Variants in PPP6R3 observed in about 807,000 individuals in gnomAD.
The protein encoded by PPP6R3 is protein phosphatase 6 regulatory subunit 3, also known as serine/threonine-protein phosphatase 6 regulatory subunit 3.
Under a neutral mutation model 110.7 loss-of-function variants are expected in PPP6R3, and 38 were observed. The ratio of observed to expected loss-of-function variants is 0.34; its 90% CI spans 0.26 to 0.45. The LOEUF is 0.45. PPP6R3 is among the 20% of genes least tolerant of loss of function. PPP6R3 has a pLI of 1.00. For missense variants in PPP6R3, 870 were observed against 1,062.4 expected, an observed-to-expected ratio of 0.82 and a Z score of 2.52; for synonymous variants, 369 against 373.5, an observed-to-expected ratio of 0.99 and a Z score of 0.14.
chr11:68,528,436 G>C (rs1416183355), intron 2 of PPP6R3, among the ~76,000 whole-genome samples: 7 of 72,896 alleles, frequency 9.6e-5, no homozygotes, highest in African/African-American at 2.2e-4. Context: ...GTGTGTGTGG[G>C]GGGGGGGGCT....
At chr11:68,566,254 C>G (rs1189124879) in intron 9 of PPP6R3, among the ~76,000 whole-genome samples, 2 of 152,114 alleles carry the variant, frequency 1.3e-5, no homozygotes, top group Non-Finnish European at 2.9e-5. Context: ...GCTGCTGCTG[C>G]TGCTGCTGTT....
rs549465551 is a variant in PPP6R3, at chr11:68,494,322, G to A, written c.-157-25179G>A. ...GGGCGGATCACGAGGTCAGGAGATC[G>A]AGACCATCCTGTCCCACATGGTGAA... is the stretch of plus-strand genomic sequence containing the variant. On this transcript the variant is annotated intron_variant, in intron 1 of 23. Coordinates refer to ENST00000393800, the MANE Select transcript of PPP6R3 (RefSeq NM_001164161.2). 4.8e-5 allele frequency among the ~76,000 whole-genome samples: 7 copies of A among 145,364 alleles called. No homozygotes were observed. In the South Asian group the frequency reaches 6.5e-4, roughly 13 times the overall value.
Position 68,537,862 on chromosome 11 carries a change from T to C in PPP6R3, c.198T>C (p.Pro66=), listed in dbSNP as rs1310519796. The C allele has an allele frequency of 1.9e-6, 3 of 1,612,306 alleles. No homozygotes were observed. Among genetic ancestry groups the C allele is most frequent in the Non-Finnish European group, 2.5e-6 (3 of 1,178,658 alleles). The part of the protein sequence containing the change: ...DLVSFIIEEP[P]QDMDEKIRYK... ...TCTCATTCATTATAGAAGAACCACCTCAAGACATGGATGAAAAGATCAGAT... is the reference window on the plus strand; with the variant it reads ...TCTCATTCATTATAGAAGAACCACCCCAAGACATGGATGAAAAGATCAGAT... The change falls in exon 3 of 24, where the codon CCT becomes CCC. Residue 66 remains proline (P), a synonymous_variant. Transcript: ENST00000393800.
chr11:68,494,118 G>C (rs1428629208), intron 1 of PPP6R3, among the ~76,000 whole-genome samples: 1 of 8,454 alleles, frequency 1.2e-4, no homozygotes, highest in Non-Finnish European at 2.1e-4. Flanking sequence ...AAAAAAAAAA[G>C]AATAAATAAA....
chr11:68,575,542 A>C (rs142722061), intron 13 of PPP6R3, among the ~76,000 whole-genome samples: 1 of 152,158 alleles, frequency 6.6e-6, no homozygotes, highest in Admixed American at 6.5e-5. Flanking sequence ...CATTTTCTAG[A>C]CTTAACTTGA....
intron 14 of PPP6R3, among the ~76,000 whole-genome samples, chr11:68,576,415 A>T (rs2099531661): frequency 6.6e-6 from 1 of 152,158 alleles, no homozygotes; most frequent in African/African-American, 2.4e-5. Context: ...AAAGCGAAAG[A>T]TTCAGTTGGA....
chr11:68,556,566 T>C (rs1404185996), intron 7 of PPP6R3, among the ~76,000 whole-genome samples: 2 of 134,062 alleles, frequency 1.5e-5, no homozygotes, highest in African/African-American at 2.8e-5. Context: ...AAAAAAACAA[T>C]GAGCCATTGT....
At chr11:68,544,695 G>GA in intron 3 of PPP6R3, 143 bp from the exon 4 acceptor site, 1 of 611,496 alleles carries the variant, frequency 1.6e-6, no homozygotes, top group Non-Finnish European at 2.7e-6. Flanking sequence ...AGGTTGAACA[G>GA]AATGGATTGA....
At chr11:68,571,880 C>T (rs1030782905) in intron 12 of PPP6R3, among the ~76,000 whole-genome samples, 1 of 152,128 alleles carries the variant, frequency 6.6e-6, no homozygotes, top group African/African-American at 2.4e-5. Flanking sequence ...ACAATCAAGA[C>T]ATTTCTGTCA....
intron 13 of PPP6R3, among the ~76,000 whole-genome samples, chr11:68,574,756 G>C (rs1237802607): frequency 6.6e-6 from 1 of 152,170 alleles, no homozygotes; most frequent in Non-Finnish European, 1.5e-5. Flanking sequence ...AGCTTATTTG[G>C]AAGAAACTAT....
At chr11:68,576,149 C>A in intron 14 of PPP6R3, 106 bp downstream of exon 14, 1 of 808,756 alleles carries the variant, frequency 1.2e-6, no homozygotes, top group Non-Finnish European at 1.9e-6. Context: ...AACTGTGAGC[C>A]AAAGATAAAT....
intron 15 of PPP6R3, among the ~76,000 whole-genome samples, chr11:68,584,831 T>C (rs1415451432): frequency 6.6e-6 from 1 of 152,256 alleles, no homozygotes; most frequent in Non-Finnish European, 1.5e-5. Flanking sequence ...TCTTTTCTGA[T>C]TGACAAGCTT....
At chr11:68,531,840 G>A (rs2099242618) in intron 2 of PPP6R3, among the ~76,000 whole-genome samples, 1 of 152,172 alleles carries the variant, frequency 6.6e-6, no homozygotes, top group Admixed American at 6.5e-5. Context: ...TGAGGCCTCA[G>A]GGCTAGCCAA....
intron 2 of PPP6R3, among the ~76,000 whole-genome samples, chr11:68,525,473 C>T (rs774616135): frequency 2.0e-5 from 3 of 152,034 alleles, no homozygotes; most frequent in Non-Finnish European, 2.9e-5. Flanking sequence ...TTTTCTTGCA[C>T]GTTAGGTTGC....
rs1348196805 is a variant in PPP6R3 at position 68,477,720 on chromosome 11, T to G, written c.-158+16893T>G. 8.1e-5 allele frequency among the ~76,000 whole-genome samples: 7 copies of G among 86,442 alleles called. No individual in the cohort carries two copies. The East Asian group carries it at 1.1e-3, about 14-fold the overall frequency. The allele number at this position is 86,442 out of a possible 152,430, so 56.7% of individuals were successfully genotyped here. A position where few individuals can be genotyped will look rare whatever the true frequency, so the allele number is the denominator to read the frequency against. ...CCAGCCTGAGAGACAGAGAGAGACA[T>G]TGTCTCTTAAAAAAAAAAAAAATAT... On this transcript the variant is annotated intron_variant, in intron 1 of 23. Coordinates refer to ENST00000393800, the MANE Select transcript of PPP6R3 (RefSeq NM_001164161.2).
chr11:68,567,059 G>T lies in PPP6R3; in HGVS notation c.1021G>T (p.Gly341Trp). 1 of 1,551,596 alleles carries T rather than the reference G, an allele frequency of 6.4e-7. No homozygotes were observed. The highest frequency in any genetic ancestry group is 8.7e-7 in the Non-Finnish European group (1 of 1,146,914). The part of the protein sequence containing the change: ...TTWGVLDPPV[G>W]NTRLNVIRLI... ...ATGGGGTGTGCTGGATCCTCCTGTGGGGAATACCCGGTTGAATGTCATTAG... is the reference window on the plus strand; with the variant it reads ...ATGGGGTGTGCTGGATCCTCCTGTGTGGAATACCCGGTTGAATGTCATTAG... The change falls in exon 10 of 24, where the codon GGG (glycine) becomes TGG (tryptophan). Residue 341 changes from glycine to tryptophan, a missense_variant. Coordinates refer to ENST00000393800, the MANE Select transcript of PPP6R3 (RefSeq NM_001164161.2).
At chr11:68,543,490 A>G (rs1246591603) in intron 3 of PPP6R3, among the ~76,000 whole-genome samples, 1 of 151,422 alleles carries the variant, frequency 6.6e-6, no homozygotes, top group Non-Finnish European at 1.5e-5. Context: ...GCCTCACACC[A>G]GAGCCTGTCA....
In PPP6R3 at chr11:68,521,819, C is replaced by A. The variant is rs183613601; in HGVS notation, c.-7+2168C>A. On this transcript the variant is annotated intron_variant, in intron 2 of 23. Transcript: ENST00000393800. ...TAATTTAGTTCAATTTTCTGTAATA[C>A]AGCTCTCTCTTACTAGTGAGAAGAC... 1.5e-4 allele frequency among the ~76,000 whole-genome samples: 23 copies of A among 152,274 alleles called. No homozygotes were observed. In the East Asian group the frequency reaches 2.1e-3, roughly 14 times the overall value.
At chr11:68,477,785 C>T (rs1423503733) in intron 1 of PPP6R3, among the ~76,000 whole-genome samples, 2 of 127,330 alleles carry the variant, frequency 1.6e-5, no homozygotes, top group East Asian at 2.3e-4. Context: ...TTCCAACTTA[C>T]AGTCGATTTT....
Sources: allele counts gnomAD v4.1 joint callset (sites outside exome capture counted in the v4.1 genomes callset), GRCh38; gene constraint gnomAD v4.1.1; transcripts MANE v1.5; gene names NCBI Gene and HGNC (gene_info 2026-07-23, HGNC 2026-07-21).